CFAP54: variants seen among roughly 807,000 people sequenced by gnomAD.
CFAP54 encodes cilia and flagella associated protein 54.
In CFAP54, 290 loss-of-function variants were observed where a neutral mutation model predicts 370.4. The ratio of observed to expected loss-of-function variants is 0.78; its 90% CI spans 0.71 to 0.86. The LOEUF (loss-of-function observed/expected upper bound fraction) is 0.86, where lower values mean the gene tolerates loss of function less well. Among genes scored for constraint, CFAP54 ranks in the 40% least tolerant of loss-of-function variants. The pLI, the probability that CFAP54 is intolerant of heterozygous loss-of-function variation, is 0.00. For synonymous variants in CFAP54, 1,206 were observed against 1,236.5 expected, an observed-to-expected ratio of 0.98 and a Z score of 0.52; for missense variants, 3,399 against 3,528.7, an observed-to-expected ratio of 0.96 and a Z score of 0.93.
intron 66 of CFAP54, among the ~76,000 whole-genome samples, chr12:96,854,667 A>G (rs1359106155): frequency 6.6e-6 from 1 of 152,212 alleles, no homozygotes; most frequent in Non-Finnish European, 1.5e-5. Flanking sequence ...ATTTAAAAGG[A>G]TGTGTTCAAT....
chr12:96,764,030 A>C, intron 58 of CFAP54, 121 bp from the exon 59 acceptor site: 1 of 573,416 alleles, frequency 1.7e-6, no homozygotes, highest in Non-Finnish European at 3.0e-6. Flanking sequence ...ATATCTTCTC[A>C]TGTCAATAGA....
At chr12:96,763,065 C>T (rs895318360) in intron 58 of CFAP54, among the ~76,000 whole-genome samples, 5 of 152,002 alleles carry the variant, frequency 3.3e-5, no homozygotes, top group East Asian at 1.9e-4. Flanking sequence ...AATTAGCACC[C>T]GTGGGGCTAA....
At chr12:96,764,899 A>G (rs938251025) in intron 59 of CFAP54, among the ~76,000 whole-genome samples, 178 bp from the exon 60 acceptor site, 1 of 152,250 alleles carries the variant, frequency 6.6e-6, no homozygotes, top group African/African-American at 2.4e-5. Flanking sequence ...TTGTTTGACT[A>G]TGATATATTC....
In CFAP54 at chr12:96,567,492, G is replaced by C. The variant is rs77813916; in HGVS notation, c.2619+2727G>C. Reference sequence around the variant, plus strand: ...GTGTTGGGTGGTCTGAGATCACAAGGCCAAGTGGTGTCTGGTCTTTGCTGG... The same window carrying C: ...GTGTTGGGTGGTCTGAGATCACAAGCCCAAGTGGTGTCTGGTCTTTGCTGG... On this transcript the variant is annotated intron_variant, in intron 19 of 67. Transcript: ENST00000524981. Among the ~76,000 whole-genome samples, 100 of 152,240 alleles carry C rather than the reference G, an allele frequency of 6.6e-4. No individual in the cohort carries two copies. The East Asian group carries it at 0.016, about 24-fold the overall frequency.
intron 38 of CFAP54, among the ~76,000 whole-genome samples, chr12:96,662,129 CTTG>C (rs1223998670): frequency 6.6e-6 from 1 of 152,150 alleles, no homozygotes; most frequent in Admixed American, 6.6e-5. Context: ...TATCCAAACC[CTTG>C]TTGTATTTGC....
chr12:96,549,048 G>C (rs1955668438), intron 15 of CFAP54, among the ~76,000 whole-genome samples: 1 of 152,110 alleles, frequency 6.6e-6, no homozygotes, highest in South Asian at 2.1e-4. Context: ...TGGAGGTGGG[G>C]TTTCACCATG....
chr12:96,594,543 C>A (rs1956157417), intron 25 of CFAP54, 97 bp downstream of exon 25: 12 of 860,620 alleles, frequency 1.4e-5, no homozygotes, highest in South Asian at 2.9e-5. Context: ...TTATAAAGGG[C>A]AAATAGGTCA....
At chr12:96,628,518 G>T (rs1956570095) in intron 30 of CFAP54, among the ~76,000 whole-genome samples, 1 of 152,192 alleles carries the variant, frequency 6.6e-6, no homozygotes, top group South Asian at 2.1e-4. Flanking sequence ...AGGAGAGGCT[G>T]TAGAGAAGAG....
chr12:96,587,743 T>C (rs1360174581), intron 22 of CFAP54, among the ~76,000 whole-genome samples: 1 of 152,188 alleles, frequency 6.6e-6, no homozygotes, highest in Non-Finnish European at 1.5e-5. Context: ...ACATCATCTA[T>C]TGCTTACACA....
In CFAP54 at chr12:96,518,930, C is replaced by T; in HGVS notation, c.801C>T (p.Ala267=). 1 of 1,533,590 alleles carries T rather than the reference C, an allele frequency of 6.5e-7. No individual in the cohort carries two copies. The highest frequency in any genetic ancestry group is 8.7e-7 in the Non-Finnish European group (1 of 1,145,430). The allele number at this position is 1,533,590 out of a possible 1,614,324, so 95.0% of individuals were successfully genotyped here. A position where few individuals can be genotyped will look rare whatever the true frequency, so the allele number is the denominator to read the frequency against. Reference sequence around the variant, plus strand: ...CAATGGTGCCCTTTATTTTGCAGGCCTTAGAGTATCTCCTGTGGGCCAGCA... The same window carrying T: ...CAATGGTGCCCTTTATTTTGCAGGCTTTAGAGTATCTCCTGTGGGCCAGCA... The part of the protein sequence containing the change: ...KLMVIGQSSK[A]LEYLLWASMC... Residue 267 remains alanine (A), a splice_region_variant and synonymous_variant, in exon 6 of 68, where the codon GCC becomes GCT. Coordinates refer to ENST00000524981, the MANE Select transcript of CFAP54 (RefSeq NM_001306084.2).
chr12:96,690,228 T>G (rs1957374873), intron 43 of CFAP54, among the ~76,000 whole-genome samples: 3 of 152,240 alleles, frequency 2.0e-5, no homozygotes, highest in African/African-American at 7.2e-5. Context: ...AAAAGCCTAT[T>G]AATTCTTTTT....
chr12:96,604,005 G>C (rs190035608), intron 26 of CFAP54, among the ~76,000 whole-genome samples: 6 of 152,312 alleles, frequency 3.9e-5, no homozygotes, highest in Admixed American at 3.9e-4. Context: ...CCTTGCTGGT[G>C]AGGAGTTGTG....
At chr12:96,623,191 GT>G (rs62857161) in intron 27 of CFAP54, among the ~76,000 whole-genome samples, 4 of 149,736 alleles carry the variant, frequency 2.7e-5, no homozygotes, top group Non-Finnish European at 5.9e-5. Flanking sequence ...GGGCTTGGAA[GT>G]TTTTTTTTTT....
Position 96,554,322 on chromosome 12 carries a change from A to G in CFAP54, c.2283+12A>G. 1.3e-6 allele frequency: 2 copies of G among 1,503,574 alleles called. No homozygotes were observed. Among genetic ancestry groups the G allele is most frequent in the Non-Finnish European group, 8.8e-7 (1 of 1,135,508 alleles). The allele number at this position is 1,503,574 out of a possible 1,614,324, so 93.1% of individuals were successfully genotyped here. A position where few individuals can be genotyped will look rare whatever the true frequency, so the allele number is the denominator to read the frequency against. On this transcript the variant is annotated intron_variant, in intron 16 of 67. Transcript: ENST00000524981. The stretch of plus-strand genomic sequence containing the variant: ...ACTGCTATGCCAAGGTAAGAATGGA[A>G]GAGTCTTAAATTAGATTGAAGTTTT...
At chr12:96,810,701 C>T (rs1367755319) in intron 63 of CFAP54, among the ~76,000 whole-genome samples, 3 of 152,094 alleles carry the variant, frequency 2.0e-5, no homozygotes, top group Non-Finnish European at 4.4e-5. Flanking sequence ...GGAAGAAGAG[C>T]GGTAGCACAA....
At chr12:96,521,591 C>T (rs796563264) in intron 6 of CFAP54, among the ~76,000 whole-genome samples, 15 of 151,014 alleles carry the variant, frequency 9.9e-5, no homozygotes, top group African/African-American at 3.4e-4. Flanking sequence ...TGCTGAGAAG[C>T]GATAATCTGT....
At chr12:96,594,489 G>A in intron 25 of CFAP54, 43 bp downstream of exon 25, 4 of 1,372,936 alleles carry the variant, frequency 2.9e-6, no homozygotes, top group South Asian at 1.6e-5. Context: ...TCTTTATAAA[G>A]GCAACTTAAC....
chr12:96,633,638 C>T (rs778128306), intron 32 of CFAP54, among the ~76,000 whole-genome samples: 24 of 152,140 alleles, frequency 1.6e-4, no homozygotes, highest in Non-Finnish European at 2.8e-4. Flanking sequence ...TAGTAGTATT[C>T]CATGGCATAA....
At chr12:96,843,469 G>A (rs546199851) in intron 66 of CFAP54, among the ~76,000 whole-genome samples, 3 of 152,302 alleles carry the variant, frequency 2.0e-5, no homozygotes, top group African/African-American at 4.8e-5. Flanking sequence ...AATACAGTGA[G>A]GATAGAACAA....
Sources: allele counts gnomAD v4.1 joint callset (sites outside exome capture counted in the v4.1 genomes callset), GRCh38; gene constraint gnomAD v4.1.1; transcripts MANE v1.5; gene names NCBI Gene and HGNC (gene_info 2026-07-23, HGNC 2026-07-21).